MAPRE3: variants seen among roughly 807,000 people sequenced by gnomAD.
MAPRE3 encodes microtubule-associated protein RP/EB family member 3.
MAPRE3 carries 2 observed loss-of-function variants against 30.5 expected under a neutral mutation model. The observed-to-expected ratio is 0.07, with a 90% confidence interval of 0.03 to 0.21. The LOEUF (loss-of-function observed/expected upper bound fraction) is 0.21, where lower values mean the gene tolerates loss of function less well. MAPRE3 is among the 10% of genes least tolerant of loss of function. The pLI, the probability that MAPRE3 is intolerant of heterozygous loss-of-function variation, is 1.00. For synonymous variants in MAPRE3, 110 were observed against 127.7 expected, an observed-to-expected ratio of 0.86 and a Z score of 0.93; for missense variants, 204 against 351.8, an observed-to-expected ratio of 0.58 and a Z score of 3.36.
At position 27,010,015 on chromosome 2, in the gene MAPRE3, C is replaced by T. The variant is rs561935432; in HGVS notation, c.-7-12197C>T. 3.0e-3 allele frequency among the ~76,000 whole-genome samples: 457 copies of T among 152,328 alleles called. 3 individuals are homozygous for T. The highest frequency in any genetic ancestry group is 2.6e-3 in the Non-Finnish European group (175 of 68,040). ...TCCTGTGCTGGCACAGGGGCTGGCA[C>T]ACAGCATTGGGTGCTGAAGCACACA... On this transcript the variant is annotated intron_variant, in intron 1 of 6. Transcript: ENST00000233121.
intron 1 of MAPRE3, among the ~76,000 whole-genome samples, chr2:26,976,623 C>G (rs565490867): frequency 6.6e-6 from 1 of 152,258 alleles, no homozygotes; most frequent in African/African-American, 2.4e-5. Flanking sequence ...TTTAGCATAA[C>G]GTCAGTGTTT....
intron 1 of MAPRE3, among the ~76,000 whole-genome samples, chr2:26,987,178 TA>T (rs1362540291): frequency 6.6e-6 from 1 of 152,098 alleles, no homozygotes; most frequent in Admixed American, 6.5e-5. Flanking sequence ...AATAAAAAAA[TA>T]AAAAATTTCC....
intron 1 of MAPRE3, chr2:27,002,835 A>C (rs962801478): frequency 3.3e-5 from 5 of 152,340 alleles, no homozygotes; most frequent in Admixed American, 6.5e-5. Context: ...GTCCTAATTC[A>C]AGGCCATCCT....
intron 1 of MAPRE3, among the ~76,000 whole-genome samples, chr2:26,979,888 G>A (rs1412018312): frequency 2.0e-5 from 3 of 152,176 alleles, no homozygotes; most frequent in Non-Finnish European, 4.4e-5. Context: ...AAAACAACGT[G>A]ACTGTGGGTT....
chr2:27,005,360 C>T (rs927531314), intron 1 of MAPRE3, among the ~76,000 whole-genome samples: 3 of 152,162 alleles, frequency 2.0e-5, no homozygotes, highest in Non-Finnish European at 2.9e-5. Context: ...TAAGTGAGCT[C>T]GTGGTCTTCA....
In MAPRE3 at chr2:26,983,155, C is replaced by T. The variant is rs188011474; in HGVS notation, c.-8+12353C>T. On this transcript the variant is annotated intron_variant, in intron 1 of 6. Transcript: ENST00000233121. ...TAAGACAGAGACAGAGATAGACATT[C>T]AGAGACGGAACCCACCACATAATCT... Among the ~76,000 whole-genome samples, 35 of 150,954 alleles carry T rather than the reference C, an allele frequency of 2.3e-4. No homozygotes were observed. The East Asian group carries it at 6.4e-3, about 27-fold the overall frequency.
At chr2:27,000,186 G>C (rs887927118) in intron 1 of MAPRE3, among the ~76,000 whole-genome samples, 3 of 152,128 alleles carry the variant, frequency 2.0e-5, no homozygotes, top group Non-Finnish European at 4.4e-5. Context: ...GCTCTCCCTA[G>C]ATAACAAAAC....
chr2:27,006,138 C>A (rs1666721309), intron 1 of MAPRE3, among the ~76,000 whole-genome samples: 1 of 152,112 alleles, frequency 6.6e-6, no homozygotes, highest in Admixed American at 6.5e-5. Flanking sequence ...GCCAAGATTG[C>A]ACCACTGCAC....
chr2:26,978,516 G>T (rs1258843737), intron 1 of MAPRE3, among the ~76,000 whole-genome samples: 1 of 150,772 alleles, frequency 6.6e-6, no homozygotes, highest in Admixed American at 6.6e-5. Flanking sequence ...GATTTTAGAT[G>T]CTTAGAGCTC....
At chr2:27,023,512 A>T in intron 3 of MAPRE3, 35 bp downstream of exon 3, 1 of 1,612,132 alleles carries the variant, frequency 6.2e-7, no homozygotes. Flanking sequence ...CCTGAGGAGC[A>T]GTGTGACCCT....
At chr2:26,977,760 G>A (rs902098581) in intron 1 of MAPRE3, among the ~76,000 whole-genome samples, 3 of 152,250 alleles carry the variant, frequency 2.0e-5, no homozygotes, top group South Asian at 2.1e-4. Flanking sequence ...GGGCCTGGCC[G>A]GGCAGCTGTC....
In MAPRE3 at chr2:26,985,774, C is replaced by T. The variant is rs1666204765; in HGVS notation, c.-8+14972C>T. 6.6e-6 allele frequency among the ~76,000 whole-genome samples: 1 copy of T among 152,012 alleles called. No homozygotes were observed. Among genetic ancestry groups the T allele is most frequent in the African/African-American group, 2.4e-5 (1 of 41,358 alleles). ...TTATCCTGGATTATCTGGGTGGGCCCTAAATGCAATCATATGTATCTTTAT... is the reference window on the plus strand; with the variant it reads ...TTATCCTGGATTATCTGGGTGGGCCTTAAATGCAATCATATGTATCTTTAT... On this transcript the variant is annotated intron_variant, in intron 1 of 6. Transcript: ENST00000233121. This position sits in a 1 kb window ranked among gnomAD's most constrained non-coding sequence, Gnocchi z 4.2.
Position 27,026,492 on chromosome 2 carries a change from T to G in MAPRE3, c.*144T>G. On this transcript the variant is annotated 3_prime_UTR_variant, in exon 7 of 7. Coordinates refer to ENST00000233121, the MANE Select transcript of MAPRE3 (RefSeq NM_012326.4). ...ACTGGGGAGCCAGGCGAGGGGGGCTTGGGGGCATGGGGCCGGAAAGCAGGC... is the reference window on the plus strand; with the variant it reads ...ACTGGGGAGCCAGGCGAGGGGGGCTGGGGGGCATGGGGCCGGAAAGCAGGC... 1 of 668,856 alleles carries G rather than the reference T, an allele frequency of 1.5e-6. No homozygotes were observed. The allele number at this position is 668,856 out of a possible 1,614,324, so 41.4% of individuals were successfully genotyped here. A position where few individuals can be genotyped will look rare whatever the true frequency, so the allele number is the denominator to read the frequency against.
At chr2:26,995,204 A>T (rs899847535) in intron 1 of MAPRE3, among the ~76,000 whole-genome samples, 2 of 152,198 alleles carry the variant, frequency 1.3e-5, no homozygotes, top group Non-Finnish European at 2.9e-5. Flanking sequence ...GTTCCAGTAA[A>T]ACATCTTGAC....
At chr2:27,001,156 G>A (rs775461447) in intron 1 of MAPRE3, among the ~76,000 whole-genome samples, 8 of 152,082 alleles carry the variant, frequency 5.3e-5, no homozygotes, top group South Asian at 4.1e-4. Flanking sequence ...GATACATTCC[G>A]AGAAATGTGT....
At chr2:26,990,932 T>G (rs1035845105) in intron 1 of MAPRE3, among the ~76,000 whole-genome samples, 1 of 152,180 alleles carries the variant, frequency 6.6e-6, no homozygotes, top group African/African-American at 2.4e-5. Context: ...TCCCTGACAC[T>G]CAGTGGGTGC....
chr2:27,025,654 C>G lies in MAPRE3; in HGVS notation c.541C>G (p.Pro181Ala), dbSNP rs755091160. The G allele has an allele frequency of 5.6e-6, 9 of 1,611,866 alleles. No individual in the cohort carries two copies. Among genetic ancestry groups the G allele is most frequent in the South Asian group, 5.5e-5 (5 of 90,720 alleles). ...TGGCCGGCTGAGCAATGTGGCCCCC[C>G]CCTGCATTCTCCGGAAGAATCCTCC... ...TSGRLSNVAP[P>A]CILRKNPPSA... The change falls in exon 5 of 7, where the codon CCC becomes GCC. Residue 181 changes from proline (P) to alanine (A), a missense_variant. Pro to Ala is a conservative substitution (Grantham distance 27). Coordinates refer to ENST00000233121, the MANE Select transcript of MAPRE3 (RefSeq NM_012326.4).
intron 1 of MAPRE3, among the ~76,000 whole-genome samples, chr2:26,992,950 C>G (rs974099853): frequency 2.0e-5 from 3 of 152,190 alleles, no homozygotes; most frequent in Non-Finnish European, 4.4e-5. Flanking sequence ...TACTTCCATG[C>G]CCTTTTTATA....
At chr2:26,999,488 C>T (rs58560982) in intron 1 of MAPRE3, among the ~76,000 whole-genome samples, 127 of 78,950 alleles carry the variant, frequency 1.6e-3, no homozygotes, top group African/African-American at 2.8e-3. Context: ...TTCCTTCTTT[C>T]TTTTTTTTTT....
Sources: gnomAD v4.1 joint callset for allele counts (sites outside exome capture counted in the v4.1 genomes callset) on GRCh38, gnomAD v4.1.1 for gene constraint, Gnocchi (gnomAD v3.1) non-coding constraint, MANE v1.5 for transcripts, NCBI Gene and HGNC (gene_info 2026-07-23, HGNC 2026-07-21) for gene names.